The following TPR variants were observed in gnomAD, a reference collection of about 807,000 sequenced individuals.
TPR encodes the protein translocated promoter region, nuclear basket protein.
A neutral mutation model predicts 316.1 loss-of-function variants in TPR; 51 were observed. The observed-to-expected ratio is 0.16, with a 90% CI of 0.13 to 0.20. The LOEUF (loss-of-function observed/expected upper bound fraction) is 0.20. Among genes scored for constraint, TPR ranks in the 10% least tolerant of loss-of-function variants. TPR has a pLI of 1.00. For synonymous variants in TPR, 981 were observed against 914.7 expected (o/e 1.07, Z -1.31); for missense variants, 2,272 against 2,754.8 (o/e 0.82, Z 3.92).
At chr1:186,316,297 G>C (rs1456155908) in intron 49 of TPR, among the ~76,000 whole-genome samples, 1 of 152,088 alleles carries the variant, frequency 6.6e-6, no homozygotes, top group Non-Finnish European at 1.5e-5. Context: ...TGCAAGATTA[G>C]TTATGAGTAT....
intron 4 of TPR, among the ~76,000 whole-genome samples, chr1:186,364,001 A>G (rs1160974597): frequency 6.6e-6 from 1 of 152,148 alleles, no homozygotes; most frequent in African/African-American, 2.4e-5. Flanking sequence ...AAGTGTTTTG[A>G]GTGTCTGTAT....
At chr1:186,332,116 T>C (rs1378872675) in intron 38 of TPR, 79 bp downstream of exon 38, 1 of 1,465,966 alleles carries the variant, frequency 6.8e-7, no homozygotes, top group East Asian at 2.4e-5. Context: ...AAAAGGTTAA[T>C]TTTCTTTAGG....
chr1:186,364,435 C>G (rs191393713), intron 4 of TPR, among the ~76,000 whole-genome samples: 1 of 152,044 alleles, frequency 6.6e-6, no homozygotes, highest in Non-Finnish European at 1.5e-5. Context: ...ACTGCAGCTA[C>G]GCCAGCAAGC....
chr1:186,342,585 A>T (rs1390133561), intron 27 of TPR: 1 of 152,166 alleles, frequency 6.6e-6, no homozygotes, highest in African/African-American at 2.4e-5. Flanking sequence ...GAACACATAA[A>T]TCCCATAAAA....
rs201502175 is a variant in TPR, at chr1:186,326,140, G to A, written c.5985C>T (p.Ala1995=). ...CAGCTTCATAACCATCATTGCCATC[G>A]GCACTACCAGTTCCTTCATTACTAT... ...GEDSNEGTGS[A]DGNDGYEADD... Residue 1995 remains alanine (A), a synonymous_variant, in exon 41 of 51, where the codon GCC becomes GCT. Coordinates refer to ENST00000367478, the MANE Select transcript of TPR (RefSeq NM_003292.3). 33 of 1,612,956 alleles carry A rather than the reference G, an allele frequency of 2.0e-5. No homozygotes were observed. The highest frequency in any genetic ancestry group is 6.7e-5 in the East Asian group (3 of 44,840).
chr1:186,339,995 T>C (rs1487943041), intron 29 of TPR, among the ~76,000 whole-genome samples: 2 of 152,318 alleles, frequency 1.3e-5, no homozygotes, highest in South Asian at 2.1e-4. Flanking sequence ...TCATTAAATG[T>C]TCATTATTTT....
chr1:186,333,667 T>G (rs1269666828), intron 36 of TPR, among the ~76,000 whole-genome samples: 1 of 152,154 alleles, frequency 6.6e-6, no homozygotes, highest in Non-Finnish European at 1.5e-5. Flanking sequence ...TTAATGAAAT[T>G]AAGCTCAAAG....
At chr1:186,329,644 TA>T (rs910244088) in intron 39 of TPR, among the ~76,000 whole-genome samples, 2 of 152,152 alleles carry the variant, frequency 1.3e-5, no homozygotes, top group African/African-American at 4.8e-5. Flanking sequence ...TGTTGGCACC[TA>T]AAAAGTTTTG....
intron 4 of TPR, among the ~76,000 whole-genome samples, chr1:186,367,128 G>T (rs533204694): frequency 7.5e-6 from 1 of 134,204 alleles, no homozygotes; most frequent in East Asian, 2.2e-4. Flanking sequence ...GTGCAGTGAC[G>T]CAATCTTGGC....
chr1:186,327,104 TATA>T lies in TPR; in HGVS notation c.5889+353_5889+355del, dbSNP rs1459899758. On this transcript the variant is annotated intron_variant, in intron 40 of 50. Coordinates refer to ENST00000367478, the MANE Select transcript of TPR (RefSeq NM_003292.3). The stretch of plus-strand genomic sequence containing the variant: ...AAATATATAACATATATATTATATA[TATA>T]AATATATATAAATATATAACATATA... Among the ~76,000 whole-genome samples, 2 of 13,118 alleles carry T rather than the reference TATA, an allele frequency of 1.5e-4. 1 individual carries two copies. The highest frequency in any genetic ancestry group is 4.8e-4 in the African/African-American group (2 of 4,132). 8.6% of individuals were successfully genotyped at this position (13,118 alleles called of 152,430 possible).
Position 186,348,728 on chromosome 1 carries a change from T to C in TPR, c.2777-1270A>G, listed in dbSNP as rs531468328. ...CTATTTCTCAGCCAGCCGACACTCA[T>C]AGAAAATAGAAAGAACCTACACTGA... On this transcript the variant is annotated intron_variant, in intron 21 of 50. Coordinates refer to ENST00000367478, the MANE Select transcript of TPR (RefSeq NM_003292.3). Among the ~76,000 whole-genome samples the C allele has an allele frequency of 4.4e-4, 67 of 152,180 alleles. 1 individual carries two copies. The South Asian group carries it at 8.1e-3, about 18-fold the overall frequency.
intron 49 of TPR, among the ~76,000 whole-genome samples, chr1:186,316,603 G>A (rs561781734): frequency 9.2e-5 from 14 of 152,256 alleles, no homozygotes; most frequent in Admixed American, 9.1e-4. Context: ...GTAATTCTCT[G>A]TCTAAAAATT....
At chr1:186,314,234 T>A in intron 50 of TPR, 6 of 498,598 alleles carry the variant, frequency 1.2e-5, no homozygotes, top group East Asian at 6.5e-5. Context: ...TTGGAAAACA[T>A]GGAAATATTA....
chr1:186,324,049 T>C (rs190700948), intron 42 of TPR, among the ~76,000 whole-genome samples, 179 bp from the exon 43 acceptor site: 31 of 152,242 alleles, frequency 2.0e-4, no homozygotes, highest in African/African-American at 7.5e-4. Flanking sequence ...CAATGGGATG[T>C]GTACTTATTC....
chr1:186,320,593 A>G (rs1657749145), intron 45 of TPR, among the ~76,000 whole-genome samples, 175 bp from the exon 46 acceptor site: 1 of 152,252 alleles, frequency 6.6e-6, no homozygotes, highest in Non-Finnish European at 1.5e-5. Context: ...ATCCTTTTAT[A>G]CTATCAGCTG....
At position 186,311,731 on chromosome 1, in the gene TPR, A is replaced by AT. The variant is rs911743543; in HGVS notation, c.*2239dup. On this transcript the variant is annotated 3_prime_UTR_variant, in exon 51 of 51. Coordinates refer to ENST00000367478, the MANE Select transcript of TPR (RefSeq NM_003292.3). ...AATATTTTCAGTGAAAAAAATCAAT[A>AT]TTGAGGGTAGTATTCTTATTGCCCT... 5.2e-6 allele frequency: 5 copies of AT among 957,552 alleles called. No individual in the cohort carries two copies. The African/African-American group carries it at 8.3e-5, about 16-fold the overall frequency. 59.3% of individuals were successfully genotyped at this position (957,552 alleles called of 1,614,324 possible).
intron 33 of TPR, among the ~76,000 whole-genome samples, chr1:186,335,805 C>A (rs1253162482): frequency 6.6e-6 from 1 of 152,058 alleles, no homozygotes; most frequent in Non-Finnish European, 1.5e-5. Flanking sequence ...TCCTAGTTAA[C>A]AGAAGCCCGT....
At chr1:186,367,060 C>CTTTTT (rs71104854) in intron 4 of TPR, among the ~76,000 whole-genome samples, 103 of 89,518 alleles carry the variant, frequency 1.2e-3, no homozygotes, top group Non-Finnish European at 1.4e-3. Context: ...CCCAAAACAC[C>CTTTTT]TTTTTTTTTT....
rs1265984191 is a variant in TPR, at chr1:186,352,126, A to T, written c.2335-16T>A. 1.3e-6 allele frequency: 2 copies of T among 1,574,148 alleles called. No homozygotes were observed. Among genetic ancestry groups the T allele is most frequent in the East Asian group, 4.5e-5 (2 of 44,252 alleles). On this transcript the variant is annotated splice_polypyrimidine_tract_variant and intron_variant, in intron 18 of 50. Coordinates refer to ENST00000367478, the MANE Select transcript of TPR (RefSeq NM_003292.3). ...CTGCTCTTACCTAAACATAAGTAGAAATGAAATAAAAAATGCTGAAAAACA... is the reference window on the plus strand; with the variant it reads ...CTGCTCTTACCTAAACATAAGTAGATATGAAATAAAAAATGCTGAAAAACA...
Sources: gnomAD v4.1 joint callset for allele counts (sites outside exome capture counted in the v4.1 genomes callset) on GRCh38, gnomAD v4.1.1 for gene constraint, MANE v1.5 for transcripts, NCBI Gene and HGNC (gene_info 2026-07-23, HGNC 2026-07-21) for gene names.